Variants in ZNF749 observed in about 807,000 individuals in gnomAD.
ZNF749 encodes zinc finger protein 749.
ZNF749 carries 8 observed loss-of-function variants against 7.3 expected under a neutral mutation model. The ratio of observed to expected loss-of-function variants is 1.10; its 90% CI spans 0.64 to 1.98. The LOEUF (loss-of-function observed/expected upper bound fraction) is 1.98. Ranked by LOEUF, ZNF749 falls within the 30% of genes most tolerant of loss-of-function variation. The pLI is 0.00. For missense variants in ZNF749, 898 were observed against 932.4 expected, an observed-to-expected ratio of 0.96 and a Z score of 0.48; for synonymous variants, 310 against 322.4, an observed-to-expected ratio of 0.96 and a Z score of 0.41.
chr19:57,429,566 A>C, the ZNF749 span, among the ~76,000 whole-genome samples: 1 of 152,142 alleles, frequency 6.6e-6, no homozygotes, highest in Non-Finnish European at 1.5e-5. This position sits in a 1 kb window ranked among gnomAD's most constrained non-coding sequence, Gnocchi z 4.2. Context: ...CATCCTTGAC[A>C]TCCTGGGCTC....
chr19:57,432,501 G>T (rs534311838), upstream of ZNF749, among the ~76,000 whole-genome samples: 114 of 146,710 alleles, frequency 7.8e-4, 1 homozygote, highest in African/African-American at 2.7e-3. Flanking sequence ...GGTGGAGGTT[G>T]CAGTGAGCTG....
chr19:57,440,277 G>T (rs533568106), intron 1 of ZNF749, among the ~76,000 whole-genome samples: 2 of 152,166 alleles, frequency 1.3e-5, no homozygotes, highest in Non-Finnish European at 2.9e-5. Context: ...CTGGGGTGGG[G>T]ATAGCATTGG....
chr19:57,441,936 G>T lies in ZNF749; in HGVS notation c.67G>T (p.Gly23Trp). The change falls in exon 2 of 3, where the codon GGG becomes TGG. Residue 23 changes from glycine (G) to tryptophan (W), a missense_variant. By Grantham distance (184) the Gly-to-Trp change is radical. Transcript: ENST00000334181. ...CATATATTTCTCCCAAGAGGAATGG[G>T]GGATCCTTAATGATGCTCAGAGACA... Reference protein sequence around the residue: ...VAIYFSQEEWGILNDAQRHLH... With the variant: ...VAIYFSQEEWWILNDAQRHLH... 4.3e-6 allele frequency: 7 copies of T among 1,614,144 alleles called. No individual in the cohort carries two copies. The highest frequency in any genetic ancestry group is 5.9e-6 in the Non-Finnish European group (7 of 1,180,012).
chr19:57,444,644 T>C lies in ZNF749; in HGVS notation c.1496T>C (p.Val499Ala). Residue 499 changes from valine to alanine, a missense_variant, in exon 3 of 3, where the codon GTT becomes GCT. By Grantham distance (64) the Val-to-Ala change is moderately conservative (BLOSUM62 0). Coordinates refer to ENST00000334181, the MANE Select transcript of ZNF749 (RefSeq NM_001023561.4). ...GCCTTCCTTACACAGGCTCATCTGG[T>C]TGGTCACCAGAAAATCCATACTGGA... ...GKAFLTQAHLVGHQKIHTGER... is the reference protein window; with the variant it reads ...GKAFLTQAHLAGHQKIHTGER... 6.3e-7 allele frequency: 1 copy of C among 1,596,806 alleles called. No individual in the cohort carries two copies. Among genetic ancestry groups the C allele is most frequent in the East Asian group, 2.3e-5 (1 of 44,310 alleles).
At position 57,442,224 on chromosome 19, in the gene ZNF749, T is replaced by C. The variant is rs1027854138; in HGVS notation, c.142+213T>C. ...CCCAGCTTCTGTTGCTCTGAAACTT[T>C]ACAAGATAAGGCTCGGAAGTCAGAA... On this transcript the variant is annotated intron_variant, in intron 2 of 2. Transcript: ENST00000334181. This position sits in a 1 kb window ranked among gnomAD's most constrained non-coding sequence, Gnocchi z 6.6. Among the ~76,000 whole-genome samples, 2 of 152,210 alleles carry C rather than the reference T, an allele frequency of 1.3e-5. No homozygotes were observed. Among genetic ancestry groups the C allele is most frequent in the South Asian group, 4.1e-4 (2 of 4,832 alleles).
upstream of ZNF749, among the ~76,000 whole-genome samples, chr19:57,430,838 G>A (rs2088895631): frequency 6.6e-6 from 1 of 152,048 alleles, no homozygotes; most frequent in South Asian, 2.1e-4. Flanking sequence ...TCAGGAGATT[G>A]AGACCATCCT....
chr19:57,429,314 C>G, the ZNF749 span, among the ~76,000 whole-genome samples: 2 of 152,238 alleles, frequency 1.3e-5, no homozygotes, highest in South Asian at 2.1e-4. The surrounding 1 kb of genome is among the most constrained non-coding windows in gnomAD (Gnocchi z 4.2). Flanking sequence ...GCGTGAGCCA[C>G]TGCACCCAGC....
At position 57,442,565 on chromosome 19, in the gene ZNF749, G is replaced by A. The variant is rs1412740231; in HGVS notation, c.142+554G>A. On this transcript the variant is annotated intron_variant, in intron 2 of 2. Coordinates refer to ENST00000334181, the MANE Select transcript of ZNF749 (RefSeq NM_001023561.4). The surrounding 1 kb of genome is among the most constrained non-coding windows in gnomAD (Gnocchi z 6.6). ...CGTAGCTGGACTTATGCCGCAGCTA[G>A]ATAGTTGCTCACCTTGAGCAAGGGG... Among the ~76,000 whole-genome samples the A allele has an allele frequency of 6.6e-6, 1 of 152,180 alleles. No homozygotes were observed. Among genetic ancestry groups the A allele is most frequent in the Non-Finnish European group, 1.5e-5 (1 of 68,040 alleles).
In ZNF749 at chr19:57,443,333, A is replaced by G. The variant is rs1568546203; in HGVS notation, c.185A>G (p.Gln62Arg). 1 of 1,613,434 alleles carries G rather than the reference A, an allele frequency of 6.2e-7. No individual in the cohort carries two copies. Among genetic ancestry groups the G allele is most frequent in the Admixed American group, 1.7e-5 (1 of 59,974 alleles). ...AAGGATGAGGAGGTACCTTCCAAGC[A>G]GTGTGTTTCTGTAAGAGTGTTACAG... ...GAKDEEVPSK[Q>R]CVSVRVLQVT... The change falls in exon 3 of 3, where the codon CAG becomes CGG. Residue 62 changes from glutamine to arginine, a missense_variant. Coordinates refer to ENST00000334181, the MANE Select transcript of ZNF749 (RefSeq NM_001023561.4).
chr19:57,435,409 C>T lies in ZNF749; in HGVS notation c.-170C>T, dbSNP rs542713264. On this transcript the variant is annotated 5_prime_UTR_variant, in exon 1 of 3. Coordinates refer to ENST00000334181, the MANE Select transcript of ZNF749 (RefSeq NM_001023561.4). Reference sequence around the variant, plus strand: ...TTTAGAGGGTCCCAGAGCTCTGGGTCGGGACTGAGGTGAAAGAGCGGAAAA... The same window carrying T: ...TTTAGAGGGTCCCAGAGCTCTGGGTTGGGACTGAGGTGAAAGAGCGGAAAA... The T allele has an allele frequency of 4.2e-6, 4 of 954,438 alleles. No homozygotes were observed. In the East Asian group the frequency reaches 1.0e-4, roughly 25 times the overall value. The allele number at this position is 954,438 out of a possible 1,614,324, so 59.1% of individuals were successfully genotyped here.
intron 1 of ZNF749, among the ~76,000 whole-genome samples, chr19:57,440,449 G>A (rs1012443211): frequency 7.9e-5 from 12 of 151,762 alleles, no homozygotes; most frequent in South Asian, 4.2e-4. Flanking sequence ...GTTTTGGGGG[G>A]GCTGAGGTTA....
chr19:57,429,076 G>A, the ZNF749 span, among the ~76,000 whole-genome samples: 1 of 152,124 alleles, frequency 6.6e-6, no homozygotes. This position sits in a 1 kb window ranked among gnomAD's most constrained non-coding sequence, Gnocchi z 4.2. Flanking sequence ...GCCCAGGCTG[G>A]AGTGCAATGG....
At chr19:57,435,792 T>G in intron 1 of ZNF749, 199 bp downstream of exon 1, 1 of 1,128,312 alleles carries the variant, frequency 8.9e-7, no homozygotes, top group Non-Finnish European at 1.2e-6. Flanking sequence ...TTGGAGGCAC[T>G]GCAGAACGGG....
chr19:57,428,792 C>G, the ZNF749 span, among the ~76,000 whole-genome samples: 1 of 152,098 alleles, frequency 6.6e-6, no homozygotes, highest in Non-Finnish European at 1.5e-5. Context: ...CTAGTTTTTG[C>G]TCTCCCACTT....
Position 57,442,931 on chromosome 19 carries a change from G to A in ZNF749, c.143-360G>A, listed in dbSNP as rs992097357. ...ATGACCTGTACTTTAGGTGTTATGA[G>A]GTCTGCGTGTATCCTTCAGTAGTCC... On this transcript the variant is annotated intron_variant, in intron 2 of 2. Transcript: ENST00000334181. The surrounding 1 kb of genome is among the most constrained non-coding windows in gnomAD (Gnocchi z 6.6). Among the ~76,000 whole-genome samples the A allele has an allele frequency of 6.6e-6, 1 of 152,154 alleles. No individual in the cohort carries two copies. Among genetic ancestry groups the A allele is most frequent in the Non-Finnish European group, 1.5e-5 (1 of 68,044 alleles).
Position 57,444,286 on chromosome 19 carries a change from A to G in ZNF749, c.1138A>G (p.Arg380Gly). ...GRHQRVHTGE[R>G]PFECSICGKF... is the part of the protein sequence containing the mutation. Reference sequence around the variant, plus strand: ...ACATCAGAGAGTTCATACTGGAGAAAGGCCTTTTGAATGCAGCATATGTGG... The same window carrying G: ...ACATCAGAGAGTTCATACTGGAGAAGGGCCTTTTGAATGCAGCATATGTGG... Residue 380 changes from arginine (R) to glycine (G), a missense_variant, in exon 3 of 3, where the codon AGG (arginine) becomes GGG (glycine). Transcript: ENST00000334181. 1.2e-6 allele frequency: 2 copies of G among 1,614,136 alleles called. No individual in the cohort carries two copies. Among genetic ancestry groups the G allele is most frequent in the Non-Finnish European group, 1.7e-6 (2 of 1,180,028 alleles).
At chr19:57,443,263 C>A in intron 2 of ZNF749, 28 bp from the exon 3 acceptor site, 1 of 1,562,406 alleles carries the variant, frequency 6.4e-7, no homozygotes, top group Non-Finnish European at 8.7e-7. Context: ...AGTTCACGTG[C>A]ACTTCACCAG....
In ZNF749 at chr19:57,435,554, G is replaced by T; in HGVS notation, c.-25G>T. ...CGCCGTTCCCGCCCCGCTCTTCCCT[G>T]GGTGGACTGGAGGAGGCCGCGCCGA... On this transcript the variant is annotated 5_prime_UTR_variant, in exon 1 of 3. Coordinates refer to ENST00000334181, the MANE Select transcript of ZNF749 (RefSeq NM_001023561.4). The T allele has an allele frequency of 6.2e-7, 1 of 1,602,206 alleles. No homozygotes were observed. Among genetic ancestry groups the T allele is most frequent in the East Asian group, 2.2e-5 (1 of 44,502 alleles).
chr19:57,433,661 C>A (rs557355042), upstream of ZNF749, among the ~76,000 whole-genome samples: 1 of 147,526 alleles, frequency 6.8e-6, no homozygotes, highest in South Asian at 2.1e-4. Flanking sequence ...TAAATTGTAA[C>A]GCTTTGGCCA....
Sources: gnomAD v4.1 joint callset for allele counts (sites outside exome capture counted in the v4.1 genomes callset) on GRCh38, gnomAD v4.1.1 for gene constraint, Gnocchi (gnomAD v3.1) non-coding constraint, MANE v1.5 for transcripts, NCBI Gene and HGNC (gene_info 2026-07-23, HGNC 2026-07-21) for gene names.